Variants in STAG1 observed in about 807,000 individuals in gnomAD.
The protein encoded by STAG1 is cohesin subunit SA-1.
In STAG1, 26 loss-of-function variants were observed where a neutral mutation model predicts 170.9. That is an observed-to-expected ratio of 0.15 (90% CI 0.11 to 0.21). The LOEUF is 0.21. Ranked by LOEUF, STAG1 falls within the 10% of genes least tolerant of loss-of-function variation. The probability of loss-of-function intolerance (pLI) is 1.00; values close to 1 mark genes in which losing one functional copy is unlikely to be tolerated. For synonymous variants in STAG1, 514 were observed against 497.7 expected (o/e 1.03, Z -0.44); for missense variants, 964 against 1,509.5 (o/e 0.64, Z 5.99).
chr3:136,724,847 C>T (rs151097309), intron 1 of STAG1, among the ~76,000 whole-genome samples: 49 of 152,118 alleles, frequency 3.2e-4, no homozygotes, highest in African/African-American at 1.1e-3. Context: ...GGGGATGATA[C>T]ATTGGGACAG....
chr3:136,554,190 T>C (rs966190782), intron 5 of STAG1, among the ~76,000 whole-genome samples: 15 of 152,102 alleles, frequency 9.9e-5, no homozygotes, highest in African/African-American at 3.6e-4. Flanking sequence ...TGGATGTCTG[T>C]ATACATCTAA....
chr3:136,385,720 G>C (rs569813016), intron 22 of STAG1, among the ~76,000 whole-genome samples: 1 of 152,166 alleles, frequency 6.6e-6, no homozygotes, highest in South Asian at 2.1e-4. Context: ...ACCTCTTAAA[G>C]AGACAGGGTC....
intron 1 of STAG1, among the ~76,000 whole-genome samples, chr3:136,730,725 T>A (rs561851837): frequency 1.5e-4 from 23 of 152,352 alleles, no homozygotes; most frequent in African/African-American, 5.5e-4. Context: ...GCCACTGGCC[T>A]AAGGACAAAG....
chr3:136,561,817 ATTT>A lies in STAG1; in HGVS notation c.394+6945_394+6947del, dbSNP rs62726661. Among the ~76,000 whole-genome samples the A allele has an allele frequency of 2.7e-5, 4 of 147,034 alleles. No homozygotes were observed. In the South Asian group the frequency reaches 6.4e-4, roughly 24 times the overall value. On this transcript the variant is annotated intron_variant, in intron 5 of 33. Transcript: ENST00000383202. Reference sequence around the variant, plus strand: ...ATGACGCTGGCTTTGGGGTTAAAACATTTTTTTTTTTTTTCATTTTTGTACTTT... The same window carrying A: ...ATGACGCTGGCTTTGGGGTTAAAACATTTTTTTTTTTCATTTTTGTACTTT...
chr3:136,703,737 C>T (rs1273288578), intron 1 of STAG1, among the ~76,000 whole-genome samples: 1 of 152,066 alleles, frequency 6.6e-6, no homozygotes, highest in Non-Finnish European at 1.5e-5. Context: ...GGGCTGGGCT[C>T]AGTGGCTTAT....
At chr3:136,670,608 T>G (rs377558258) in intron 1 of STAG1, among the ~76,000 whole-genome samples, 1 of 151,804 alleles carries the variant, frequency 6.6e-6, no homozygotes, top group Non-Finnish European at 1.5e-5. Flanking sequence ...TCCTGAAGAG[T>G]AGGGATTACA....
At chr3:136,368,004 A>T (rs1350559599) in intron 24 of STAG1, among the ~76,000 whole-genome samples, 1 of 152,062 alleles carries the variant, frequency 6.6e-6, no homozygotes, top group African/African-American at 2.4e-5. Context: ...TCTCTCCCTT[A>T]TATGTATAGA....
At chr3:136,553,825 C>T (rs749099129) in intron 5 of STAG1, among the ~76,000 whole-genome samples, 1 of 152,180 alleles carries the variant, frequency 6.6e-6, no homozygotes, top group East Asian at 1.9e-4. Flanking sequence ...CTTTGGTATT[C>T]AAGTAATTTA....
At chr3:136,570,576 C>G (rs902675107) in intron 4 of STAG1, among the ~76,000 whole-genome samples, 1 of 152,214 alleles carries the variant, frequency 6.6e-6, no homozygotes, top group African/African-American at 2.4e-5. Context: ...ACGTTACACA[C>G]ACGCATCAAG....
intron 1 of STAG1, among the ~76,000 whole-genome samples, chr3:136,674,141 A>AGGAG (rs1559943388): frequency 2.3e-5 from 1 of 44,106 alleles, no homozygotes; most frequent in African/African-American, 1.0e-4. Context: ...GAGGGAAGGA[A>AGGAG]GGAGGGAGGG....
At chr3:136,747,714 G>A (rs1935016682) in intron 1 of STAG1, among the ~76,000 whole-genome samples, 1 of 151,122 alleles carries the variant, frequency 6.6e-6, no homozygotes, top group African/African-American at 2.4e-5. Context: ...ACTTCTCTGA[G>A]ATTCAATATC....
At chr3:136,649,768 G>C (rs1468404705) in intron 1 of STAG1, among the ~76,000 whole-genome samples, 3 of 149,592 alleles carry the variant, frequency 2.0e-5, no homozygotes, top group African/African-American at 7.4e-5. Flanking sequence ...AAAAAAAAAA[G>C]ATTTTTTTTG....
chr3:136,445,698 G>A (rs1005841291), intron 14 of STAG1, among the ~76,000 whole-genome samples: 2 of 152,102 alleles, frequency 1.3e-5, no homozygotes, highest in East Asian at 1.9e-4. Context: ...ATTTACAATC[G>A]CATATATTTG....
chr3:136,547,579 T>G (rs758897506), intron 5 of STAG1, among the ~76,000 whole-genome samples: 2 of 152,196 alleles, frequency 1.3e-5, no homozygotes, highest in African/African-American at 4.8e-5. Context: ...AAGCAGTTAT[T>G]TGATTGATTT....
chr3:136,703,485 T>C (rs1412618164), intron 1 of STAG1, among the ~76,000 whole-genome samples: 1 of 152,150 alleles, frequency 6.6e-6, no homozygotes, highest in Non-Finnish European at 1.5e-5. Context: ...ACTGTTTCAA[T>C]CCCATTGAGC....
At chr3:136,405,939 G>A (rs2087471913) in intron 21 of STAG1, among the ~76,000 whole-genome samples, 1 of 151,846 alleles carries the variant, frequency 6.6e-6, no homozygotes, top group Non-Finnish European at 1.5e-5. Context: ...TTGTTAGCAG[G>A]AATGCAGAAT....
chr3:136,392,033 C>G (rs541209515), intron 22 of STAG1, among the ~76,000 whole-genome samples: 16 of 152,172 alleles, frequency 1.1e-4, no homozygotes, highest in Non-Finnish European at 1.9e-4. Flanking sequence ...TTATAACTAC[C>G]ATTCATAATC....
At chr3:136,597,672 G>A (rs1450933697) in intron 4 of STAG1, among the ~76,000 whole-genome samples, 1 of 152,056 alleles carries the variant, frequency 6.6e-6, no homozygotes, top group Non-Finnish European at 1.5e-5. Flanking sequence ...ATCCAGGAAC[G>A]TTGCTGAATG....
chr3:136,644,930 A>G lies in STAG1; in HGVS notation c.-83-13949T>C, dbSNP rs569811769. ...AGAGACACAGGGTTTGGGTTTCGCC[A>G]TATTGCCCAGGCTGGTGTCGAACTG... On this transcript the variant is annotated intron_variant, in intron 1 of 33. Coordinates refer to ENST00000383202, the MANE Select transcript of STAG1 (RefSeq NM_005862.3). 2.0e-5 allele frequency among the ~76,000 whole-genome samples: 3 copies of G among 152,120 alleles called. No individual in the cohort carries two copies. The South Asian group carries it at 6.2e-4, about 32-fold the overall frequency.
Sources: allele counts gnomAD v4.1 joint callset (sites outside exome capture counted in the v4.1 genomes callset), GRCh38; gene constraint gnomAD v4.1.1; transcripts MANE v1.5; gene names NCBI Gene and HGNC (gene_info 2026-07-23, HGNC 2026-07-21).